Variants in RGS12 observed in about 807,000 individuals in gnomAD.
The protein encoded by RGS12 is regulator of G protein signaling 12.
In RGS12, 66 loss-of-function variants were observed where a neutral mutation model predicts 120.1. The ratio of observed to expected loss-of-function variants is 0.55; its 90% CI spans 0.45 to 0.67. The LOEUF (loss-of-function observed/expected upper bound fraction) is 0.67, where lower values mean the gene tolerates loss of function less well. RGS12 is among the 30% of genes least tolerant of loss of function. The pLI, the probability that RGS12 is intolerant of heterozygous loss-of-function variation, is 0.00. For synonymous variants in RGS12, 827 were observed against 804.7 expected (o/e 1.03, Z -0.47); for missense variants, 1,859 against 1,957.7 (o/e 0.95, Z 0.95).
At chr4:3,427,205 C>T (rs1386116350) in intron 14 of RGS12, among the ~76,000 whole-genome samples, 3 of 152,230 alleles carry the variant, frequency 2.0e-5, no homozygotes, top group South Asian at 2.1e-4. Flanking sequence ...CCCAGCAGGG[C>T]GGCCAGCAGC....
At chr4:3,416,864 C>T (rs1722457321) in intron 7 of RGS12, 49 bp from the exon 8 acceptor site, 4 of 1,529,012 alleles carry the variant, frequency 2.6e-6, no homozygotes, top group Middle Eastern at 1.7e-4. Context: ...CCTGAGGCTG[C>T]ATGTCTGGGT....
intron 3 of RGS12, among the ~76,000 whole-genome samples, chr4:3,358,566 T>A (rs1373787851): frequency 6.6e-6 from 1 of 152,146 alleles, no homozygotes; most frequent in Non-Finnish European, 1.5e-5. Flanking sequence ...TTTTGTGAAA[T>A]TTTTTTGCAT....
chr4:3,437,390 A>C (rs1404217834), intron 17 of RGS12, among the ~76,000 whole-genome samples: 1 of 152,134 alleles, frequency 6.6e-6, no homozygotes, highest in Non-Finnish European at 1.5e-5. Flanking sequence ...GGGCTTCTGG[A>C]CATGTGTGGT....
chr4:3,371,937 G>C (rs1717047720), intron 3 of RGS12, among the ~76,000 whole-genome samples: 1 of 152,202 alleles, frequency 6.6e-6, no homozygotes, highest in East Asian at 1.9e-4. Flanking sequence ...TCCATTCAAA[G>C]AGCACGCGGG....
At chr4:3,438,944 G>T (rs1364853999) in intron 17 of RGS12, among the ~76,000 whole-genome samples, 9 of 152,092 alleles carry the variant, frequency 5.9e-5, no homozygotes, top group Non-Finnish European at 8.8e-5. Context: ...GGGCGAGCAG[G>T]TGGCCAGCCT....
intron 3 of RGS12, chr4:3,385,448 T>C: frequency 6.5e-6 from 1 of 153,696 alleles, no homozygotes; most frequent in Non-Finnish European, 1.4e-5. Context: ...TTCTGATTCC[T>C]CTCCTTCCTG....
intron 4 of RGS12, among the ~76,000 whole-genome samples, chr4:3,394,536 G>A (rs913556639): frequency 3.3e-5 from 5 of 152,234 alleles, no homozygotes. Flanking sequence ...TACTCTATTA[G>A]GAATTGCATT....
intron 3 of RGS12, among the ~76,000 whole-genome samples, chr4:3,361,625 G>T (rs1715573615): frequency 6.6e-6 from 1 of 152,182 alleles, no homozygotes; most frequent in Non-Finnish European, 1.5e-5. Context: ...AGGAGCGAGG[G>T]AAGGCCCTCA....
In RGS12 at chr4:3,420,627, G is replaced by A. The variant is rs1315425412; in HGVS notation, c.2762-15G>A. 6 of 1,613,094 alleles carry A rather than the reference G, an allele frequency of 3.7e-6. No individual in the cohort carries two copies. The highest frequency in any genetic ancestry group is 2.2e-5 in the East Asian group (1 of 44,896). ...GGTTCTGATTGACGTGAGTCACTGT[G>A]TTTCCCCTGTCAAGACGCCCTGCAT... On this transcript the variant is annotated splice_polypyrimidine_tract_variant and intron_variant, in intron 9 of 17. Transcript: ENST00000336727.
chr4:3,311,107 A>G (rs1724372546), intron 1 of RGS12, among the ~76,000 whole-genome samples: 1 of 151,330 alleles, frequency 6.6e-6, no homozygotes, highest in South Asian at 2.1e-4. Flanking sequence ...GGAGGCCGTG[A>G]TTGCTGATGT....
intron 10 of RGS12, among the ~76,000 whole-genome samples, 176 bp downstream of exon 10, chr4:3,420,894 G>C (rs1025665870): frequency 6.6e-6 from 1 of 152,250 alleles, no homozygotes; most frequent in Non-Finnish European, 1.5e-5. Flanking sequence ...GGGTGGCCCA[G>C]TGCCCCATCA....
intron 2 of RGS12, among the ~76,000 whole-genome samples, chr4:3,340,007 A>G (rs1029087445): frequency 3.9e-5 from 6 of 152,270 alleles, no homozygotes; most frequent in Admixed American, 2.0e-4. Flanking sequence ...TAGCAAATCT[A>G]TAATGAGAAC....
At chr4:3,423,094 G>T in intron 12 of RGS12, 116 bp downstream of exon 12, 1 of 731,842 alleles carries the variant, frequency 1.4e-6, no homozygotes, top group Non-Finnish European at 2.3e-6. Flanking sequence ...GCTGGGCTAC[G>T]ATGGGGTGTC....
intron 3 of RGS12, among the ~76,000 whole-genome samples, chr4:3,373,035 G>A (rs141750265): frequency 0.018 from 2,751 of 152,354 alleles, 86 homozygotes; most frequent in African/African-American, 0.059. Context: ...GTCACACAGA[G>A]GATGCGGTGA....
intron 3 of RGS12, among the ~76,000 whole-genome samples, chr4:3,363,156 C>CGT (rs906999595): frequency 7.7e-6 from 1 of 130,234 alleles, no homozygotes; most frequent in Non-Finnish European, 1.7e-5. Context: ...TGCGCGAGGG[C>CGT]GTGTGTGTGA....
At chr4:3,424,144 C>A (rs181562484) in intron 13 of RGS12, among the ~76,000 whole-genome samples, 50 of 152,360 alleles carry the variant, frequency 3.3e-4, no homozygotes, top group African/African-American at 9.9e-4. Flanking sequence ...AAAGAAAACA[C>A]CGCGTGGGGT....
intron 4 of RGS12, among the ~76,000 whole-genome samples, chr4:3,398,304 TAAA>T (rs1720248938): frequency 6.6e-6 from 1 of 152,208 alleles, no homozygotes; most frequent in African/African-American, 2.4e-5. Context: ...CTTTGATTGT[TAAA>T]AACCCAATTT....
At chr4:3,321,196 A>G (rs1725161988) in intron 2 of RGS12, among the ~76,000 whole-genome samples, 1 of 152,210 alleles carries the variant, frequency 6.6e-6, no homozygotes, top group African/African-American at 2.4e-5. Context: ...AAGAAAGGCT[A>G]AGGTCATCAG....
chr4:3,350,894 CAAAT>C lies in RGS12; in HGVS notation c.1998+7845_1998+7848del, dbSNP rs1363408715. 2.6e-5 allele frequency among the ~76,000 whole-genome samples: 4 copies of C among 152,172 alleles called. No individual in the cohort carries two copies. The South Asian group carries it at 6.2e-4, about 24-fold the overall frequency. On this transcript the variant is annotated intron_variant, in intron 3 of 17. Transcript: ENST00000336727. The stretch of plus-strand genomic sequence containing the variant: ...ACATACATAAAAGCAAATACAGACA[CAAAT>C]AAAGATCTTATGGCTTTCATTTTAG...
Sources: gnomAD v4.1 joint callset for allele counts (sites outside exome capture counted in the v4.1 genomes callset) on GRCh38, gnomAD v4.1.1 for gene constraint, MANE v1.5 for transcripts, NCBI Gene and HGNC (gene_info 2026-07-23, HGNC 2026-07-21) for gene names.